Variants in ADGRB3 observed in about 807,000 individuals in gnomAD.
The protein encoded by ADGRB3 is brain-specific angiogenesis inhibitor 3.
A neutral mutation model predicts 193.4 loss-of-function variants in ADGRB3; 37 were observed. That is an observed-to-expected ratio of 0.19 (90% CI 0.15 to 0.25). The LOEUF (loss-of-function observed/expected upper bound fraction) is 0.25. ADGRB3 is among the 10% of genes least tolerant of loss of function. The pLI is 1.00. For synonymous variants in ADGRB3, 690 were observed against 644.2 expected, an observed-to-expected ratio of 1.07 and a Z score of -1.08; for missense variants, 1,637 against 1,852.9, an observed-to-expected ratio of 0.88 and a Z score of 2.14.
chr6:69,099,550 G>A (rs1008500481), intron 17 of ADGRB3, among the ~76,000 whole-genome samples: 5 of 152,212 alleles, frequency 3.3e-5, no homozygotes, highest in Non-Finnish European at 5.9e-5. Context: ...TCCTAGGGAA[G>A]CCTTGGTCCT....
intron 3 of ADGRB3, among the ~76,000 whole-genome samples, chr6:68,674,881 T>C (rs990422389): frequency 6.6e-6 from 1 of 152,170 alleles, no homozygotes; most frequent in African/African-American, 2.4e-5. Flanking sequence ...TCTAAAACTG[T>C]ATTGGGAGAG....
chr6:68,832,404 C>T (rs755334132), intron 3 of ADGRB3, among the ~76,000 whole-genome samples: 5 of 152,066 alleles, frequency 3.3e-5, no homozygotes, highest in South Asian at 2.1e-4. Context: ...TTCACCTCCT[C>T]GACTAGACTC....
At chr6:68,643,255 G>A (rs1039471088) in intron 3 of ADGRB3, among the ~76,000 whole-genome samples, 1 of 152,102 alleles carries the variant, frequency 6.6e-6, no homozygotes, top group Admixed American at 6.6e-5. Flanking sequence ...CCATAGGCCT[G>A]TGTAGACTTT....
chr6:68,793,196 G>T (rs914077189), intron 3 of ADGRB3, among the ~76,000 whole-genome samples: 1 of 152,024 alleles, frequency 6.6e-6, no homozygotes, highest in African/African-American at 2.4e-5. Flanking sequence ...TAAACTGTTC[G>T]TGCATCTCAG....
intron 20 of ADGRB3, among the ~76,000 whole-genome samples, chr6:69,242,704 A>T (rs1322565234): frequency 6.6e-6 from 1 of 151,940 alleles, no homozygotes; most frequent in African/African-American, 2.4e-5. Flanking sequence ...AACCAAGTGC[A>T]TTTTATTATA....
intron 3 of ADGRB3, among the ~76,000 whole-genome samples, chr6:68,840,715 G>A (rs186715344): frequency 7.4e-6 from 1 of 135,150 alleles, no homozygotes; most frequent in Non-Finnish European, 1.6e-5. Flanking sequence ...AAACAAAACA[G>A]AAATTAATAA....
intron 3 of ADGRB3, among the ~76,000 whole-genome samples, chr6:68,692,697 G>A (rs938782110): frequency 6.6e-6 from 1 of 151,558 alleles, no homozygotes; most frequent in Admixed American, 6.6e-5. Flanking sequence ...GGCTTCCTTT[G>A]CTGGTTTGAT....
chr6:68,905,772 A>G (rs1766528366), intron 3 of ADGRB3, among the ~76,000 whole-genome samples: 1 of 152,120 alleles, frequency 6.6e-6, no homozygotes, highest in African/African-American at 2.4e-5. Flanking sequence ...AAGTTCCCAA[A>G]TATTCACTCT....
intron 13 of ADGRB3, among the ~76,000 whole-genome samples, chr6:69,040,357 C>CTTTCTTTCTTTCTTTCT (rs1771008601): frequency 1.6e-5 from 1 of 63,178 alleles, no homozygotes; most frequent in African/African-American, 5.2e-5. Context: ...TTCTTTCTTT[C>CTTTCTTTCTTTCTTTCT]TTTCTTTCTT....
At chr6:69,008,105 G>T (rs1430548969) in intron 11 of ADGRB3, among the ~76,000 whole-genome samples, 5 of 152,048 alleles carry the variant, frequency 3.3e-5, no homozygotes, top group Non-Finnish European at 7.4e-5. Context: ...CATTTTAAAG[G>T]CCCCAACTCT....
intron 3 of ADGRB3, among the ~76,000 whole-genome samples, chr6:68,820,831 G>GAGAAT (rs1298806641): frequency 6.6e-5 from 10 of 152,074 alleles, no homozygotes; most frequent in African/African-American, 2.4e-4. Context: ...TCTGGATACT[G>GAGAAT]AGAATAGAAT....
At chr6:69,118,909 T>G (rs1773608180) in intron 17 of ADGRB3, among the ~76,000 whole-genome samples, 1 of 152,142 alleles carries the variant, frequency 6.6e-6, no homozygotes, top group Admixed American at 6.6e-5. Context: ...TATTCTAAAT[T>G]TTTCCTCTTA....
At chr6:68,771,305 G>A (rs953740380) in intron 3 of ADGRB3, among the ~76,000 whole-genome samples, 8 of 151,446 alleles carry the variant, frequency 5.3e-5, no homozygotes, top group Admixed American at 3.3e-4. Context: ...CCCAATGTGT[G>A]CACATAATTA....
intron 3 of ADGRB3, among the ~76,000 whole-genome samples, chr6:68,844,335 C>T (rs1027607901): frequency 2.0e-5 from 3 of 151,770 alleles, no homozygotes; most frequent in Non-Finnish European, 4.4e-5. Flanking sequence ...GAAAAAAAAT[C>T]CAATAGTCCA....
intron 3 of ADGRB3, among the ~76,000 whole-genome samples, chr6:68,814,258 G>A (rs1184637856): frequency 1.3e-5 from 2 of 152,166 alleles, no homozygotes; most frequent in East Asian, 3.9e-4. Flanking sequence ...TCTAACTGGT[G>A]TGAGATGGTA....
intron 5 of ADGRB3, 139 bp from the exon 6 acceptor site, chr6:68,943,688 AAAT>A: frequency 3.3e-6 from 2 of 611,100 alleles, no homozygotes; most frequent in South Asian, 6.9e-5. Flanking sequence ...ATTTTATAAA[AAAT>A]AAGAATGTTA....
chr6:68,675,555 A>T (rs1162180086), intron 3 of ADGRB3, among the ~76,000 whole-genome samples: 3 of 152,212 alleles, frequency 2.0e-5, no homozygotes, highest in Non-Finnish European at 4.4e-5. Flanking sequence ...TGCATATATG[A>T]TTGAAAGAGC....
intron 3 of ADGRB3, among the ~76,000 whole-genome samples, chr6:68,668,147 G>T (rs1256346429): frequency 1.3e-5 from 2 of 152,118 alleles, no homozygotes; most frequent in South Asian, 4.1e-4. Flanking sequence ...TGTAGCAGCT[G>T]CTAGAGCCAA....
chr6:69,330,795 CTCT>C (rs1768705600), intron 23 of ADGRB3, among the ~76,000 whole-genome samples: 1 of 151,990 alleles, frequency 6.6e-6, no homozygotes, highest in Non-Finnish European at 1.5e-5. Context: ...TGTGGTATTT[CTCT>C]TACAGTAATT....
Sources: allele counts gnomAD v4.1 joint callset (sites outside exome capture counted in the v4.1 genomes callset), GRCh38; gene constraint gnomAD v4.1.1; transcripts MANE v1.5; gene names NCBI Gene and HGNC (gene_info 2026-07-23, HGNC 2026-07-21).